Variants in LRP1B observed in about 807,000 individuals in gnomAD.
LRP1B encodes the protein LDL receptor related protein 1B, also known as low-density lipoprotein receptor-related protein 1B.
LRP1B carries 217 observed loss-of-function variants against 556.6 expected under a neutral mutation model. The ratio of observed to expected loss-of-function variants is 0.39; its 90% CI spans 0.35 to 0.44. The LOEUF (loss-of-function observed/expected upper bound fraction) is 0.44, where lower values mean the gene tolerates loss of function less well. LRP1B is among the 20% of genes least tolerant of loss of function. The pLI is 1.00. For synonymous variants in LRP1B, 2,047 were observed against 1,865.8 expected (o/e 1.10, Z -2.50); for missense variants, 5,053 against 5,620.8 (o/e 0.90, Z 3.23).
At chr2:140,988,890 G>C (rs866381673) in intron 17 of LRP1B, among the ~76,000 whole-genome samples, 1 of 152,152 alleles carries the variant, frequency 6.6e-6, no homozygotes, top group South Asian at 2.1e-4. Flanking sequence ...GCTGCTGCTA[G>C]TCAGTATCAT....
intron 3 of LRP1B, among the ~76,000 whole-genome samples, chr2:141,429,340 C>T (rs557575923): frequency 1.3e-5 from 2 of 152,138 alleles, no homozygotes; most frequent in Admixed American, 6.5e-5. Context: ...GTAATAAAGT[C>T]AATAAATTTT....
intron 1 of LRP1B, among the ~76,000 whole-genome samples, chr2:141,946,932 A>C (rs1700969282): frequency 6.6e-6 from 1 of 152,178 alleles, no homozygotes; most frequent in South Asian, 2.1e-4. Flanking sequence ...AAAAAAACCA[A>C]GAACAAAATT....
chr2:141,878,220 A>G (rs1425717491), intron 1 of LRP1B, among the ~76,000 whole-genome samples: 1 of 152,020 alleles, frequency 6.6e-6, no homozygotes, highest in East Asian at 1.9e-4. Flanking sequence ...GCCACCAGCC[A>G]GAATCCTCAC....
intron 3 of LRP1B, among the ~76,000 whole-genome samples, chr2:141,294,864 G>C (rs535351432): frequency 4.0e-5 from 6 of 150,976 alleles, no homozygotes; most frequent in African/African-American, 1.2e-4. Flanking sequence ...CATAATTTTT[G>C]TTCTCAATGA....
At chr2:141,701,207 G>C (rs1212762205) in intron 2 of LRP1B, among the ~76,000 whole-genome samples, 5 of 151,732 alleles carry the variant, frequency 3.3e-5, no homozygotes, top group Admixed American at 6.6e-5. Flanking sequence ...GTTTTCTACT[G>C]TCCACAGGAA....
rs1682142021 is a variant in LRP1B, at chr2:140,265,186, A to G, written c.13247+5056T>C. On this transcript the variant is annotated intron_variant, in intron 86 of 90. Transcript: ENST00000389484. ...GGTAGGAAGGCTTGGTCAACTTACTATTGAGCTCAATAATTCTTCACAGTA... is the reference window on the plus strand; with the variant it reads ...GGTAGGAAGGCTTGGTCAACTTACTGTTGAGCTCAATAATTCTTCACAGTA... Among the ~76,000 whole-genome samples, 3 of 152,122 alleles carry G rather than the reference A, an allele frequency of 2.0e-5. 1 individual carries two copies. The South Asian group carries it at 6.2e-4, about 31-fold the overall frequency.
chr2:140,525,497 A>T (rs1690393024), intron 49 of LRP1B, among the ~76,000 whole-genome samples: 1 of 151,940 alleles, frequency 6.6e-6, no homozygotes, highest in African/African-American at 2.4e-5. Context: ...CGTAAGAAAC[A>T]TTGTTTCTCT....
intron 82 of LRP1B, among the ~76,000 whole-genome samples, chr2:140,318,301 T>C (rs1238743404): frequency 6.6e-6 from 1 of 152,162 alleles, no homozygotes; most frequent in African/African-American, 2.4e-5. Context: ...ATTTGAGTGT[T>C]GTTATCACTT....
intron 84 of LRP1B, among the ~76,000 whole-genome samples, chr2:140,285,586 A>G (rs891284460): frequency 6.6e-6 from 1 of 151,706 alleles, no homozygotes; most frequent in African/African-American, 2.4e-5. Context: ...TAGGTCAGAT[A>G]TGTATAAACA....
At chr2:140,771,662 T>C (rs1689316862) in intron 33 of LRP1B, among the ~76,000 whole-genome samples, 1 of 152,184 alleles carries the variant, frequency 6.6e-6, no homozygotes, top group South Asian at 2.1e-4. Flanking sequence ...CTAGAATCCC[T>C]GCTGAAGATG....
intron 1 of LRP1B, among the ~76,000 whole-genome samples, chr2:141,828,737 G>GC (rs1697016564): frequency 6.6e-6 from 1 of 152,102 alleles, no homozygotes; most frequent in South Asian, 2.1e-4. Flanking sequence ...CAAAAACTCT[G>GC]CCCCATAGGG....
At chr2:140,287,469 T>A (rs1683193378) in intron 84 of LRP1B, among the ~76,000 whole-genome samples, 1 of 151,776 alleles carries the variant, frequency 6.6e-6, no homozygotes, top group Non-Finnish European at 1.5e-5. Context: ...TTTCTGCCAA[T>A]AAGTTGATTC....
intron 1 of LRP1B, among the ~76,000 whole-genome samples, chr2:141,963,009 A>G (rs1405028229): frequency 6.6e-6 from 1 of 151,828 alleles, no homozygotes; most frequent in Non-Finnish European, 1.5e-5. Context: ...TTAATCTAAA[A>G]TAAGATTTTT....
chr2:140,871,947 T>G (rs1195939743), intron 25 of LRP1B, among the ~76,000 whole-genome samples: 2 of 151,904 alleles, frequency 1.3e-5, no homozygotes, highest in Admixed American at 6.6e-5. Context: ...AGAAGCCAGC[T>G]GAATTAAAAG....
chr2:141,670,662 T>A (rs144116532), intron 2 of LRP1B, among the ~76,000 whole-genome samples: 1 of 152,200 alleles, frequency 6.6e-6, no homozygotes, highest in African/African-American at 2.4e-5. Context: ...GTGGTTGTTG[T>A]AGACATATTA....
chr2:141,436,837 A>C (rs745508149), intron 3 of LRP1B, among the ~76,000 whole-genome samples: 25 of 152,156 alleles, frequency 1.6e-4, no homozygotes, highest in Non-Finnish European at 2.8e-4. Context: ...ATATTGAATA[A>C]TTTACATTAG....
intron 3 of LRP1B, among the ~76,000 whole-genome samples, chr2:141,380,636 A>G (rs969535399): frequency 6.6e-6 from 1 of 152,158 alleles, no homozygotes; most frequent in African/African-American, 2.4e-5. Context: ...AGCATTCTAA[A>G]CACATGTGCA....
chr2:140,748,438 T>TA (rs1688422511), intron 35 of LRP1B, among the ~76,000 whole-genome samples: 1 of 95,120 alleles, frequency 1.1e-5, no homozygotes, highest in Admixed American at 1.4e-4. Context: ...TATTTATATA[T>TA]ATATTATATA....
chr2:141,038,955 A>T (rs898803573), intron 11 of LRP1B, among the ~76,000 whole-genome samples: 1 of 152,098 alleles, frequency 6.6e-6, no homozygotes, highest in South Asian at 2.1e-4. Flanking sequence ...TATATATATA[A>T]TAATACAACA....
Sources: allele counts gnomAD v4.1 joint callset (sites outside exome capture counted in the v4.1 genomes callset), GRCh38; gene constraint gnomAD v4.1.1; transcripts MANE v1.5; gene names NCBI Gene and HGNC (gene_info 2026-07-23, HGNC 2026-07-21).